The following CHM variants were observed in gnomAD, a reference collection of about 807,000 sequenced individuals.
CHM encodes the protein CHM Rab escort protein.
In CHM, 10 loss-of-function variants were observed where a neutral mutation model predicts 49.0. That is an observed-to-expected ratio of 0.20 (90% confidence interval 0.13 to 0.35). CHM has a LOEUF of 0.35. Ranked by LOEUF, CHM falls within the 10% of genes least tolerant of loss-of-function variation. The pLI, the probability that CHM is intolerant of heterozygous loss-of-function variation, is 1.00. For synonymous variants in CHM, 184 were observed against 167.5 expected (o/e 1.10, Z -0.76); for missense variants, 455 against 478.4 (o/e 0.95, Z 0.46).
intron 4 of CHM, among the ~76,000 whole-genome samples, chrX:85,972,398 G>A (rs993497098): frequency 3.5e-5 from 4 of 113,393 alleles, no homozygotes; most frequent in Non-Finnish European, 7.5e-5. Flanking sequence ...ACTGGGCGCC[G>A]TGGAGCAGGG....
intron 9 of CHM, among the ~76,000 whole-genome samples, chrX:85,909,159 C>T (rs62608232): frequency 0.17 from 18,905 of 110,992 alleles, 1,535 homozygotes; most frequent in Non-Finnish European, 0.25. Flanking sequence ...ACAACCTTTA[C>T]TCATGCCTTA....
chrX:85,938,974 C>T (rs1928949666), intron 8 of CHM, among the ~76,000 whole-genome samples: 1 of 111,921 alleles, frequency 8.9e-6, no homozygotes, highest in African/African-American at 3.2e-5. Flanking sequence ...CCATAAGATT[C>T]TAATACTGTA....
intron 8 of CHM, among the ~76,000 whole-genome samples, chrX:85,955,253 A>T (rs1046992758): frequency 8.9e-6 from 1 of 111,916 alleles, no homozygotes; most frequent in Admixed American, 9.5e-5. Context: ...GTATAATTGG[A>T]TTGTTTTCAA....
intron 2 of CHM, among the ~76,000 whole-genome samples, chrX:86,013,248 A>G (rs1321637381): frequency 1.8e-5 from 2 of 110,999 alleles, no homozygotes; most frequent in East Asian, 5.7e-4. Context: ...ACAGGAAAAG[A>G]GCTCGGGGAA....
intron 7 of CHM, 113 bp from the exon 8 acceptor site, chrX:85,956,491 G>C (rs1157069068): frequency 3.9e-6 from 4 of 1,018,788 alleles, no homozygotes; most frequent in Non-Finnish European, 5.2e-6. Context: ...GACATAGGTG[G>C]TATTACATTT....
intron 2 of CHM, among the ~76,000 whole-genome samples, chrX:85,988,931 G>A (rs1470269652): frequency 2.7e-5 from 3 of 111,716 alleles, no homozygotes; most frequent in South Asian, 7.4e-4. Context: ...TGCCCAAAGC[G>A]ATTTACAGAT....
At chrX:85,918,086 G>A (rs749250416) in intron 8 of CHM, among the ~76,000 whole-genome samples, 1 of 111,096 alleles carries the variant, frequency 9.0e-6, no homozygotes, top group South Asian at 3.8e-4. Flanking sequence ...TAGTATGCAA[G>A]ATGACAATCC....
chrX:85,923,815 A>C (rs900761259), intron 8 of CHM, among the ~76,000 whole-genome samples: 1 of 110,936 alleles, frequency 9.0e-6, no homozygotes, highest in Admixed American at 9.7e-5. Context: ...AGTCTCTTTG[A>C]GGAACTGGTA....
intron 4 of CHM, among the ~76,000 whole-genome samples, chrX:85,972,571 C>T (rs1287603088): frequency 8.8e-6 from 1 of 113,148 alleles, no homozygotes; most frequent in Non-Finnish European, 1.9e-5. Context: ...GCTGGGGGAC[C>T]CAGTACACCC....
intron 4 of CHM, among the ~76,000 whole-genome samples, chrX:85,973,300 CAA>C (rs58103002): frequency 0.014 from 221 of 16,155 alleles, no homozygotes; most frequent in African/African-American, 0.063. Context: ...TCTGTCTCGA[CAA>C]AAAAAAAAAA....
intron 11 of CHM, among the ~76,000 whole-genome samples, chrX:85,898,038 G>A (rs1032811951): frequency 3.4e-4 from 38 of 111,082 alleles, no homozygotes; most frequent in African/African-American, 1.2e-3. Flanking sequence ...CAGACTGGGT[G>A]GGGGTAAGAG....
intron 2 of CHM, among the ~76,000 whole-genome samples, chrX:86,004,185 T>C (rs1333868541): frequency 9.0e-6 from 1 of 111,400 alleles, no homozygotes; most frequent in Non-Finnish European, 1.9e-5. Context: ...GCAGGAGAAA[T>C]AAAATCCTTT....
In CHM at chrX:85,864,794, G is replaced by T; in HGVS notation, c.1798C>A (p.Pro600Thr). ...GGAGGGGGACAGAAATCTTCATTGG[G>T]GCAGATTTCCTGGAAAAGTGTTTCA... ...QAETLFQEIC[P>T]NEDFCPPPPN... Residue 600 changes from proline (P) to threonine (T), a missense_variant, in exon 15 of 15, where the codon CCC (proline) becomes ACC (threonine). Coordinates refer to ENST00000357749, the MANE Select transcript of CHM (RefSeq NM_000390.4). The T allele has an allele frequency of 8.3e-7, 1 of 1,208,362 alleles. No individual in the cohort carries two copies. The highest frequency in any genetic ancestry group is 1.8e-5 in the South Asian group (1 of 56,318).
intron 8 of CHM, among the ~76,000 whole-genome samples, chrX:85,916,915 C>T (rs150873225): frequency 8.9e-6 from 1 of 112,221 alleles, no homozygotes; most frequent in Non-Finnish European, 1.9e-5. Flanking sequence ...ACAGAAATAC[C>T]ATTCAACTCA....
At chrX:85,924,610 G>C (rs1364514715) in intron 8 of CHM, among the ~76,000 whole-genome samples, 1 of 111,510 alleles carries the variant, frequency 9.0e-6, no homozygotes. Context: ...TTAATACTCT[G>C]GGTACTAATT....
At chrX:85,921,453 A>C (rs1927784601) in intron 8 of CHM, among the ~76,000 whole-genome samples, 1 of 111,994 alleles carries the variant, frequency 8.9e-6, no homozygotes, top group African/African-American at 3.2e-5. Context: ...AGCAAGTATA[A>C]ATTTTGCAGG....
At chrX:85,928,098 A>G (rs1055128227) in intron 8 of CHM, among the ~76,000 whole-genome samples, 2 of 112,444 alleles carry the variant, frequency 1.8e-5, no homozygotes, top group Non-Finnish European at 3.8e-5. Context: ...ACTAATCTGT[A>G]TAACAAGAAA....
intron 8 of CHM, among the ~76,000 whole-genome samples, chrX:85,937,032 T>C (rs779334409): frequency 9.0e-6 from 1 of 110,753 alleles, no homozygotes; most frequent in Non-Finnish European, 1.9e-5. Flanking sequence ...TTTGGGAGGC[T>C]GAGGCAGGTG....
intron 2 of CHM, among the ~76,000 whole-genome samples, chrX:86,010,207 TGG>T (rs1187243570): frequency 8.5e-4 from 6 of 7,045 alleles, no homozygotes; most frequent in Non-Finnish European, 1.4e-3. Flanking sequence ...GGTAGGGGGG[TGG>T]GGGGGGCTGG....
Sources: gnomAD v4.1 joint callset for allele counts (sites outside exome capture counted in the v4.1 genomes callset) on GRCh38, gnomAD v4.1.1 for gene constraint, MANE v1.5 for transcripts, NCBI Gene and HGNC (gene_info 2026-07-23, HGNC 2026-07-21) for gene names.